Variants in LRRC4C observed in about 807,000 individuals in gnomAD.
The protein encoded by LRRC4C is leucine-rich repeat-containing protein 4C.
LRRC4C carries 5 observed loss-of-function variants against 33.6 expected under a neutral mutation model. The ratio of observed to expected loss-of-function variants is 0.15; its 90% CI spans 0.08 to 0.31. The LOEUF (loss-of-function observed/expected upper bound fraction) is 0.31. LRRC4C is among the 10% of genes least tolerant of loss of function. The probability of loss-of-function intolerance (pLI) is 1.00; values close to 1 mark genes in which losing one functional copy is unlikely to be tolerated. For synonymous variants in LRRC4C, 329 were observed against 302.0 expected, an observed-to-expected ratio of 1.09 and a Z score of -0.93; for missense variants, 560 against 796.7, an observed-to-expected ratio of 0.70 and a Z score of 3.58.
At chr11:40,737,839 T>A (rs1167737746) in intron 2 of LRRC4C, among the ~76,000 whole-genome samples, 10 of 152,070 alleles carry the variant, frequency 6.6e-5, no homozygotes, top group Admixed American at 6.6e-4. Context: ...CAAGCTACCA[T>A]TGACTTTCTT....
At chr11:41,122,269 T>C (rs1052935453) in intron 1 of LRRC4C, among the ~76,000 whole-genome samples, 3 of 152,116 alleles carry the variant, frequency 2.0e-5, no homozygotes, top group Non-Finnish European at 2.9e-5. Flanking sequence ...AACATACTTA[T>C]TGAACCCGCC....
At chr11:41,084,342 G>A (rs1021121044) in intron 1 of LRRC4C, among the ~76,000 whole-genome samples, 1 of 152,134 alleles carries the variant, frequency 6.6e-6, no homozygotes, top group African/African-American at 2.4e-5. Flanking sequence ...TTCTGTCCTT[G>A]GCTATGCAAT....
At chr11:40,427,910 G>T (rs1950776767) in intron 3 of LRRC4C, among the ~76,000 whole-genome samples, 1 of 152,084 alleles carries the variant, frequency 6.6e-6, no homozygotes, top group African/African-American at 2.4e-5. Context: ...CAGGGAGAAT[G>T]ACTTGTCTTA....
chr11:40,272,359 T>C (rs143811668), intron 4 of LRRC4C, among the ~76,000 whole-genome samples: 8 of 152,220 alleles, frequency 5.3e-5, no homozygotes, highest in African/African-American at 1.9e-4. Flanking sequence ...AAACCTTCCT[T>C]GATTGCCCAT....
intron 3 of LRRC4C, among the ~76,000 whole-genome samples, chr11:40,583,772 CACAGAAGTCAAGATCAA>C (rs1177254076): frequency 6.6e-6 from 1 of 151,844 alleles, no homozygotes; most frequent in Non-Finnish European, 1.5e-5. Flanking sequence ...ATTGTAAATA[CACAGAAGTCAAGATCAA>C]ACTTCAGTCC....
chr11:41,371,007 G>T (rs1952727237), intron 1 of LRRC4C, among the ~76,000 whole-genome samples: 1 of 152,110 alleles, frequency 6.6e-6, no homozygotes, highest in South Asian at 2.1e-4. Context: ...ACCTTTCCTT[G>T]CTGAGAAAGA....
intron 1 of LRRC4C, among the ~76,000 whole-genome samples, chr11:40,966,636 G>A (rs985128050): frequency 6.6e-6 from 1 of 151,872 alleles, no homozygotes; most frequent in African/African-American, 2.4e-5. Context: ...GGAAGATACT[G>A]GACCATCTGC....
intron 3 of LRRC4C, among the ~76,000 whole-genome samples, chr11:40,456,501 C>G (rs760403436): frequency 2.0e-5 from 3 of 151,224 alleles, no homozygotes; most frequent in Non-Finnish European, 4.4e-5. Context: ...AAAAAAGTGA[C>G]AGAAAATATG....
At chr11:40,354,249 T>A (rs1312258236) in intron 3 of LRRC4C, among the ~76,000 whole-genome samples, 1 of 152,144 alleles carries the variant, frequency 6.6e-6, no homozygotes, top group Non-Finnish European at 1.5e-5. Flanking sequence ...TGCCTGGAGC[T>A]GCGGGAGGGC....
At chr11:40,141,128 G>A (rs1213711328) in intron 5 of LRRC4C, among the ~76,000 whole-genome samples, 1 of 152,058 alleles carries the variant, frequency 6.6e-6, no homozygotes, top group Non-Finnish European at 1.5e-5. Context: ...CCTTAAGTAA[G>A]TCACATTTTC....
At chr11:40,166,945 G>A (rs1859640355) in intron 5 of LRRC4C, among the ~76,000 whole-genome samples, 1 of 152,128 alleles carries the variant, frequency 6.6e-6, no homozygotes, top group Admixed American at 6.5e-5. Context: ...AGGGGCCCAT[G>A]ATATAAGTTC....
At chr11:40,749,157 A>G (rs1948568031) in intron 2 of LRRC4C, among the ~76,000 whole-genome samples, 1 of 152,134 alleles carries the variant, frequency 6.6e-6, no homozygotes, top group Non-Finnish European at 1.5e-5. Context: ...TTATTCAACA[A>G]CTACAGAATA....
chr11:41,143,459 G>T (rs1479081213), intron 1 of LRRC4C, among the ~76,000 whole-genome samples: 3 of 152,078 alleles, frequency 2.0e-5, no homozygotes, highest in Admixed American at 2.0e-4. Flanking sequence ...AAATGCAAAG[G>T]TTTTTCAGTG....
intron 2 of LRRC4C, among the ~76,000 whole-genome samples, chr11:40,666,002 G>C (rs1591413065): frequency 6.6e-6 from 1 of 151,902 alleles, no homozygotes; most frequent in Non-Finnish European, 1.5e-5. Context: ...AGAAAGTTTG[G>C]CTTTTTTCTA....
At chr11:40,972,834 C>T (rs554952318) in intron 1 of LRRC4C, among the ~76,000 whole-genome samples, 1 of 152,170 alleles carries the variant, frequency 6.6e-6, no homozygotes, top group African/African-American at 2.4e-5. Context: ...GGTGGGGACA[C>T]AGAGCCAGAC....
intron 2 of LRRC4C, among the ~76,000 whole-genome samples, chr11:40,689,645 A>G (rs895193069): frequency 3.3e-5 from 5 of 152,132 alleles, no homozygotes; most frequent in African/African-American, 4.8e-5. Context: ...GATTAAGAAC[A>G]AACTGAAAAT....
intron 2 of LRRC4C, among the ~76,000 whole-genome samples, chr11:40,684,297 A>C: frequency 6.6e-6 from 1 of 152,218 alleles, no homozygotes; most frequent in East Asian, 1.9e-4. Context: ...GAATCAAATA[A>C]AACTACTAGA....
chr11:40,256,441 C>T (rs1867208387), intron 4 of LRRC4C, among the ~76,000 whole-genome samples: 1 of 152,072 alleles, frequency 6.6e-6, no homozygotes, highest in Admixed American at 6.5e-5. Context: ...CCTTCCCTTC[C>T]TTCTCTGCCC....
In LRRC4C at chr11:41,314,800, T is replaced by TA. The variant is rs983350802; in HGVS notation, c.-496+144630dup. ...TACCCTAGAACTTAAAGTATAATAA[T>TA]AAAAAAAAAACTATAAGTAAAGAGA... On this transcript the variant is annotated intron_variant, in intron 1 of 6. Transcript: ENST00000528697. Among the ~76,000 whole-genome samples, 504 of 147,642 alleles carry TA rather than the reference T, an allele frequency of 3.4e-3. 2 individuals carry two copies. The highest frequency in any genetic ancestry group is 9.8e-3 in the African/African-American group (393 of 40,296).
Sources: gnomAD v4.1 joint callset for allele counts (sites outside exome capture counted in the v4.1 genomes callset) on GRCh38, gnomAD v4.1.1 for gene constraint, MANE v1.5 for transcripts, NCBI Gene and HGNC (gene_info 2026-07-23, HGNC 2026-07-21) for gene names.